The following PCSK5 variants were observed in gnomAD, a reference collection of about 807,000 sequenced individuals.
PCSK5 encodes prohormone convertase 5.
In PCSK5, 129 loss-of-function variants were observed where a neutral mutation model predicts 233.2. The ratio of observed to expected loss-of-function variants is 0.55; its 90% CI spans 0.48 to 0.64. The LOEUF (loss-of-function observed/expected upper bound fraction) is 0.64, where lower values mean the gene tolerates loss of function less well. PCSK5 is among the 30% of genes least tolerant of loss of function. PCSK5 has a pLI of 0.00. For synonymous variants in PCSK5, 825 were observed against 879.2 expected, an observed-to-expected ratio of 0.94 and a Z score of 1.09; for missense variants, 2,076 against 2,430.1, an observed-to-expected ratio of 0.85 and a Z score of 3.06.
At chr9:75,979,637 A>C (rs1826187397) in intron 2 of PCSK5, among the ~76,000 whole-genome samples, 1 of 152,194 alleles carries the variant, frequency 6.6e-6, no homozygotes, top group Non-Finnish European at 1.5e-5. Context: ...GTAAACAAAA[A>C]TACAAAGGTA....
intron 9 of PCSK5, among the ~76,000 whole-genome samples, chr9:76,114,193 A>T (rs922078219): frequency 1.3e-5 from 2 of 152,050 alleles, no homozygotes; most frequent in Non-Finnish European, 2.9e-5. Flanking sequence ...AAGGGAGGAG[A>T]GCTGAAAAGG....
Position 76,134,164 on chromosome 9 carries a change from G to A in PCSK5, c.1264G>A (p.Gly422Arg). 1 of 1,610,248 alleles carries A rather than the reference G, an allele frequency of 6.2e-7. No individual in the cohort carries two copies. The highest frequency in any genetic ancestry group is 2.2e-5 in the East Asian group (1 of 44,672). Residue 422 changes from glycine to arginine, a missense_variant, in exon 10 of 38, where the codon GGA becomes AGA. Around this residue, in one of 6 missense-constraint regions of PCSK5, gnomAD observed 178 missense variants for 393.6 expected, o/e 0.45. Transcript: ENST00000674117. ...TGTTATTGTCAGGACTTCCCGTGCGGGACATTTGAACGCTAATGACTGGAA... is the reference window on the plus strand; with the variant it reads ...TGTTATTGTCAGGACTTCCCGTGCGAGACATTTGAACGCTAATGACTGGAA... ...QHVIVRTSRA[G>R]HLNANDWKTN...
chr9:76,174,929 T>G, intron 13 of PCSK5, 57 bp from the exon 14 acceptor site: 1 of 1,500,556 alleles, frequency 6.7e-7, no homozygotes, highest in African/African-American at 1.4e-5. Flanking sequence ...TTAAAGATGT[T>G]ACAGAGCTAA....
rs754624721 is a variant in PCSK5, at chr9:76,301,395, G to T, written c.3524-742G>T. Among the ~76,000 whole-genome samples the T allele has an allele frequency of 7.5e-4, 114 of 152,260 alleles. 1 individual carries two copies. The highest frequency in any genetic ancestry group is 1.4e-3 in the Non-Finnish European group (95 of 68,008). ...AATGGTAAGTCGGGATACCTAATAG[G>T]CAGAATCCTGACTTAGCCAAGAATG... is the stretch of plus-strand genomic sequence containing the variant. On this transcript the variant is annotated intron_variant, in intron 27 of 37. Transcript: ENST00000674117.
chr9:76,322,941 A>G (rs35525664), intron 31 of PCSK5, 111 bp from the exon 32 acceptor site: 33,328 of 651,894 alleles, frequency 0.051, 1,051 homozygotes, highest in East Asian at 0.076. Flanking sequence ...GGGCAAGCAT[A>G]CTCTCAGGTC....
chr9:76,149,616 C>T (rs756459029), intron 10 of PCSK5, among the ~76,000 whole-genome samples: 15 of 152,190 alleles, frequency 9.9e-5, no homozygotes, highest in Non-Finnish European at 2.2e-4. Flanking sequence ...GACATATGGT[C>T]AATCTAATCT....
chr9:76,164,385 G>A (rs1224444596), intron 12 of PCSK5, among the ~76,000 whole-genome samples: 1 of 152,176 alleles, frequency 6.6e-6, no homozygotes, highest in Non-Finnish European at 1.5e-5. Context: ...TAAAATAGAT[G>A]TAATAGTATA....
At chr9:75,908,310 G>A (rs545147004) in intron 1 of PCSK5, among the ~76,000 whole-genome samples, 1 of 152,152 alleles carries the variant, frequency 6.6e-6, no homozygotes, top group Admixed American at 6.5e-5. Context: ...AAGGTGAATT[G>A]TATTTTCTAG....
chr9:76,101,059 C>A (rs1437894701), intron 8 of PCSK5, among the ~76,000 whole-genome samples: 1 of 152,154 alleles, frequency 6.6e-6, no homozygotes, highest in African/African-American at 2.4e-5. Flanking sequence ...ACTCCTTTAC[C>A]CGGTTCAATT....
chr9:76,265,244 G>A (rs989061398), intron 24 of PCSK5, among the ~76,000 whole-genome samples: 4 of 151,838 alleles, frequency 2.6e-5, no homozygotes, highest in Middle Eastern at 3.2e-3. Context: ...AATAGAAAAC[G>A]GTGACTACTG....
At chr9:76,165,038 AAG>A (rs1379064997) in intron 12 of PCSK5, among the ~76,000 whole-genome samples, 10 of 152,188 alleles carry the variant, frequency 6.6e-5, no homozygotes, top group African/African-American at 1.9e-4. Flanking sequence ...GAGATTAGGA[AAG>A]AGAGAAAAAG....
intron 9 of PCSK5, among the ~76,000 whole-genome samples, chr9:76,108,223 ATGTCT>A (rs1376370317): frequency 6.6e-6 from 1 of 152,220 alleles, no homozygotes; most frequent in African/African-American, 2.4e-5. Flanking sequence ...AATTCCAAAC[ATGTCT>A]TGTCCAATTT....
chr9:76,216,268 T>A (rs776773645), intron 20 of PCSK5, among the ~76,000 whole-genome samples: 4 of 152,066 alleles, frequency 2.6e-5, no homozygotes, highest in African/African-American at 4.8e-5. Context: ...GAGAAGCATG[T>A]AGAGCCTTGA....
rs1462665427 is a variant in PCSK5 at position 76,360,098 on chromosome 9, T to C, written c.*1176T>C. The C allele has an allele frequency of 6.6e-6, 1 of 152,200 alleles. No homozygotes were observed. Among genetic ancestry groups the C allele is most frequent in the African/African-American group, 2.4e-5 (1 of 41,444 alleles). The allele number at this position is 152,200 out of a possible 1,614,324, so 9.4% of individuals were successfully genotyped here. A position where few individuals can be genotyped will look rare whatever the true frequency, so the allele number is the denominator to read the frequency against. On this transcript the variant is annotated 3_prime_UTR_variant, in exon 38 of 38. Transcript: ENST00000674117. Reference sequence around the variant, plus strand: ...GAAGGGCTCTTGCTATGCAAAATGATGTTGGCAGGGTCTTACAGATTTCCT... The same window carrying C: ...GAAGGGCTCTTGCTATGCAAAATGACGTTGGCAGGGTCTTACAGATTTCCT...
intron 2 of PCSK5, among the ~76,000 whole-genome samples, chr9:75,977,478 GCTTCTGAGATTTTATCTCTTTC>G (rs1826075751): frequency 6.9e-6 from 1 of 145,840 alleles, no homozygotes; most frequent in Non-Finnish European, 1.5e-5. Flanking sequence ...TGTCTTTTTT[GCTTCTGAGATTTTATCTCTTTC>G]CTTCTGAGAT....
At chr9:75,967,461 C>T (rs1049626150) in intron 2 of PCSK5, among the ~76,000 whole-genome samples, 6 of 152,098 alleles carry the variant, frequency 3.9e-5, no homozygotes, top group South Asian at 2.1e-4. Context: ...TATTCCATGG[C>T]GTGTATGTGG....
At chr9:76,134,446 G>A (rs1464199276) in intron 10 of PCSK5, among the ~76,000 whole-genome samples, 4 of 151,744 alleles carry the variant, frequency 2.6e-5, no homozygotes, top group Non-Finnish European at 4.4e-5. Context: ...TTAAAAGATC[G>A]ACCAACCCCC....
At chr9:76,195,349 G>T (rs995700023) in intron 20 of PCSK5, 1 of 152,168 alleles carries the variant, frequency 6.6e-6, no homozygotes, top group African/African-American at 2.4e-5. Context: ...GAGGCACGAG[G>T]TTACTGTGAT....
intron 14 of PCSK5, 162 bp downstream of exon 14, chr9:76,175,291 C>CGAATAGAATAGAATAGAATA (rs55947300): frequency 3.2e-5 from 17 of 526,788 alleles, no homozygotes; most frequent in Non-Finnish European, 5.0e-5. Context: ...CGAATCGAAT[C>CGAATAGAATAGAATAGAATA]GAATAGAATA....
Sources: gnomAD v4.1 joint callset for allele counts (sites outside exome capture counted in the v4.1 genomes callset) on GRCh38, gnomAD v4.1.1 for gene constraint, gnomAD v4.1.1 regional missense constraint, MANE v1.5 for transcripts, NCBI Gene and HGNC (gene_info 2026-07-23, HGNC 2026-07-21) for gene names.